Variants in RNLS observed in about 807,000 individuals in gnomAD.
The protein encoded by RNLS is renalase, FAD dependent amine oxidase, also known as renalase.
A neutral mutation model predicts 39.8 loss-of-function variants in RNLS; 39 were observed. That is an observed-to-expected ratio of 0.98 (90% CI 0.76 to 1.28). RNLS has a LOEUF of 1.28. RNLS is among the 50% of genes most tolerant of loss of function. The pLI is 0.00. For missense variants in RNLS, 410 were observed against 413.3 expected, an observed-to-expected ratio of 0.99 and a Z score of 0.07; for synonymous variants, 147 against 150.7, an observed-to-expected ratio of 0.98 and a Z score of 0.18.
At chr10:88,221,104 T>G in the RNLS span, among the ~76,000 whole-genome samples, 104 of 152,302 alleles carry the variant, frequency 6.8e-4, no homozygotes, top group Admixed American at 1.1e-3. Context: ...TCCCCCTACT[T>G]GGCATGCCCT....
At chr10:88,282,478 TACAC>T (rs60829171), downstream of RNLS, among the ~76,000 whole-genome samples, 5,368 of 142,908 alleles carry the variant, frequency 0.038, 120 homozygotes, top group East Asian at 0.048. Context: ...AAAGTGAAAA[TACAC>T]ACACACACAC....
the RNLS span, among the ~76,000 whole-genome samples, chr10:88,215,848 C>G: frequency 6.6e-6 from 1 of 151,850 alleles, no homozygotes; most frequent in East Asian, 1.9e-4. Context: ...TACAGGTGCA[C>G]GCCACCATGC....
chr10:88,356,823 TATTGGCTATTGGCC>T (rs1849229213), intron 5 of RNLS, among the ~76,000 whole-genome samples: 2 of 150,538 alleles, frequency 1.3e-5, no homozygotes, highest in Non-Finnish European at 3.0e-5. Flanking sequence ...GATTGCTGAC[TATTGGCTATTGGCC>T]ATCACATCTC....
intron 4 of RNLS, among the ~76,000 whole-genome samples, chr10:88,484,180 G>T (rs4934414): frequency 0.18 from 27,054 of 151,890 alleles, 2,726 homozygotes; most frequent in Admixed American, 0.27. Context: ...ATTCATGAGG[G>T]TTTTAGTAAT....
the RNLS span, among the ~76,000 whole-genome samples, chr10:88,201,698 A>C: frequency 6.6e-6 from 1 of 151,986 alleles, no homozygotes; most frequent in Non-Finnish European, 1.5e-5. Context: ...GTGAGCCAAA[A>C]AAAAAAAAGG....
At chr10:88,196,248 TA>T in the RNLS span, among the ~76,000 whole-genome samples, 3 of 152,214 alleles carry the variant, frequency 2.0e-5, no homozygotes, top group Non-Finnish European at 4.4e-5. Flanking sequence ...GGTTTGTCTT[TA>T]ATTGTCTTCT....
chr10:88,177,948 G>T, the RNLS span, among the ~76,000 whole-genome samples: 1 of 152,214 alleles, frequency 6.6e-6, no homozygotes, highest in Non-Finnish European at 1.5e-5. Flanking sequence ...GGTAGCACAT[G>T]TGGGCATGCA....
In RNLS at chr10:88,355,938, C is replaced by A. The variant is rs150443170; in HGVS notation, c.700+6614G>T. On this transcript the variant is annotated intron_variant, in intron 5 of 6. Transcript: ENST00000331772. ...GGGCACCCCTCCCCCAGCCTCGCTG[C>A]TGCCTTGCAGTTCGATCTCAGACTG... 9.7e-4 allele frequency among the ~76,000 whole-genome samples: 148 copies of A among 152,334 alleles called. 1 individual carries two copies. The highest frequency in any genetic ancestry group is 3.2e-3 in the African/African-American group (131 of 41,586).
intron 4 of RNLS, among the ~76,000 whole-genome samples, chr10:88,454,497 C>T (rs532498512): frequency 6.6e-6 from 1 of 152,290 alleles, no homozygotes; most frequent in Admixed American, 6.5e-5. Flanking sequence ...CCACAGGGTT[C>T]CATTAATAAT....
the RNLS span, among the ~76,000 whole-genome samples, chr10:88,244,509 G>T: frequency 2.0e-5 from 3 of 152,172 alleles, no homozygotes; most frequent in African/African-American, 7.2e-5. Flanking sequence ...ATTGTTTTTG[G>T]ACTGCTTTGC....
chr10:88,289,312 C>A (rs1408816993), intron 6 of RNLS, among the ~76,000 whole-genome samples: 1 of 152,108 alleles, frequency 6.6e-6, no homozygotes, highest in Non-Finnish European at 1.5e-5. Context: ...ACCTTTGTCA[C>A]CCTTGTCCTT....
At chr10:88,350,695 T>C (rs907460215) in intron 5 of RNLS, among the ~76,000 whole-genome samples, 3 of 152,226 alleles carry the variant, frequency 2.0e-5, no homozygotes, top group Admixed American at 2.0e-4. Context: ...TAAATGTATG[T>C]GTGCATGTGT....
intron 4 of RNLS, among the ~76,000 whole-genome samples, chr10:88,540,832 A>C (rs1436897929): frequency 6.6e-6 from 1 of 152,052 alleles, no homozygotes; most frequent in Non-Finnish European, 1.5e-5. Flanking sequence ...TCACACATCA[A>C]ATCTAGATTA....
At chr10:88,222,940 A>C in the RNLS span, among the ~76,000 whole-genome samples, 16 of 152,368 alleles carry the variant, frequency 1.1e-4, 1 homozygote, top group African/African-American at 3.6e-4. Context: ...CACTTTTGGA[A>C]GCATAGTCTC....
intron 4 of RNLS, among the ~76,000 whole-genome samples, chr10:88,521,607 C>A (rs1236982649): frequency 1.3e-5 from 2 of 151,966 alleles, no homozygotes; most frequent in African/African-American, 4.8e-5. Flanking sequence ...TATGGAAATG[C>A]AACTATCATA....
the RNLS span, among the ~76,000 whole-genome samples, chr10:88,238,498 C>T: frequency 2.6e-5 from 4 of 152,202 alleles, no homozygotes; most frequent in African/African-American, 7.2e-5. Context: ...ATGTGAGGGG[C>T]TACTTCCTTA....
In RNLS at chr10:88,413,505, G is replaced by C. The variant is rs148747490; in HGVS notation, c.527-50780C>G. On this transcript the variant is annotated intron_variant, in intron 4 of 6. Coordinates refer to ENST00000331772, the MANE Select transcript of RNLS (RefSeq NM_001031709.3). ...CACCTACTTGGTATTATACCTACTG[G>C]ATTTTACATCAACTGGATCTTACGT... 4.2e-3 allele frequency among the ~76,000 whole-genome samples: 636 copies of C among 152,222 alleles called. 5 individuals are homozygous for C. The highest frequency in any genetic ancestry group is 0.014 in the African/African-American group (595 of 41,536).
the RNLS span, among the ~76,000 whole-genome samples, chr10:88,254,954 TG>T: frequency 6.6e-6 from 1 of 152,256 alleles, no homozygotes; most frequent in African/African-American, 2.4e-5. Flanking sequence ...TCATTTCAGA[TG>T]CCAGAAATAA....
intron 4 of RNLS, among the ~76,000 whole-genome samples, chr10:88,464,934 C>T (rs1843118671): frequency 6.6e-6 from 1 of 152,078 alleles, no homozygotes; most frequent in Non-Finnish European, 1.5e-5. Context: ...CTCATCCATA[C>T]AGCATGGTGC....
Sources: allele counts gnomAD v4.1 joint callset (sites outside exome capture counted in the v4.1 genomes callset), GRCh38; gene constraint gnomAD v4.1.1; transcripts MANE v1.5; gene names NCBI Gene and HGNC (gene_info 2026-07-23, HGNC 2026-07-21).